ITCH: variants seen among roughly 807,000 people sequenced by gnomAD.
ITCH encodes itchy E3 ubiquitin protein ligase.
ITCH carries 28 observed loss-of-function variants against 126.8 expected under a neutral mutation model. The observed-to-expected ratio is 0.22, with a 90% confidence interval of 0.16 to 0.30. The LOEUF (loss-of-function observed/expected upper bound fraction) is 0.30. Ranked by LOEUF, ITCH falls within the 10% of genes least tolerant of loss-of-function variation. The pLI is 1.00. For missense variants in ITCH, 631 were observed against 1,032.4 expected (o/e 0.61, Z 5.33); for synonymous variants, 342 against 340.0 (o/e 1.01, Z -0.06).
At position 34,445,351 on chromosome 20, in the gene ITCH, A is replaced by G. The variant is rs1484279693; in HGVS notation, c.1030A>G (p.Thr344Ala). 2.5e-6 allele frequency: 4 copies of G among 1,613,964 alleles called. No individual in the cohort carries two copies. Among genetic ancestry groups the G allele is most frequent in the Admixed American group, 1.7e-5 (1 of 59,968 alleles). ...YYVDHFTRTTTWQRPTLESVR... is the reference protein window; with the variant it reads ...YYVDHFTRTTAWQRPTLESVR... ...TGTTGACCATTTCACAAGAACAACA[A>G]CGTGGCAGAGGCCAACACTGGAATC... Residue 344 changes from threonine to alanine, a missense_variant, in exon 11 of 25, where the codon ACG becomes GCG. Physicochemically the swap from Thr to Ala is moderately conservative, Grantham distance 58. Transcript: ENST00000374864.
At position 34,510,009 on chromosome 20, in the gene ITCH, A is replaced by G. The variant is rs976411528; in HGVS notation, c.*2215A>G. 2 of 152,620 alleles carry G rather than the reference A, an allele frequency of 1.3e-5. No homozygotes were observed. Among genetic ancestry groups the G allele is most frequent in the Non-Finnish European group, 2.9e-5 (2 of 68,030 alleles). 9.5% of individuals were successfully genotyped at this position (152,620 alleles called of 1,614,324 possible). ...TATCACCCAAAAGGCTTTCTGCCCT[A>G]TATTTTTAAAATACAGAATAGTTAT... On this transcript the variant is annotated 3_prime_UTR_variant, in exon 25 of 25. Coordinates refer to ENST00000374864, the MANE Select transcript of ITCH (RefSeq NM_031483.7).
At chr20:34,464,451 C>T (rs1395932745) in intron 14 of ITCH, among the ~76,000 whole-genome samples, 11 of 151,748 alleles carry the variant, frequency 7.2e-5, no homozygotes, top group East Asian at 3.9e-4. Context: ...TTCAGCCTCC[C>T]GAGTCGCTGG....
At chr20:34,388,214 T>A (rs1284191153) in intron 2 of ITCH, among the ~76,000 whole-genome samples, 1 of 151,950 alleles carries the variant, frequency 6.6e-6, no homozygotes, top group African/African-American at 2.4e-5. Flanking sequence ...CCTCCCAGTT[T>A]GGCCTCCCAT....
At chr20:34,413,626 G>A in intron 5 of ITCH, 116 bp from the exon 6 acceptor site, 1 of 906,826 alleles carries the variant, frequency 1.1e-6, no homozygotes, top group South Asian at 1.8e-5. Context: ...CAGTTTATAT[G>A]CACATATAGT....
intron 6 of ITCH, among the ~76,000 whole-genome samples, chr20:34,414,779 C>G (rs1379241594): frequency 2.0e-5 from 3 of 152,142 alleles, no homozygotes. Context: ...TGCATCCGGC[C>G]TCTAAATCCT....
chr20:34,488,441 G>A (rs1189377117), intron 20 of ITCH, among the ~76,000 whole-genome samples: 3 of 152,158 alleles, frequency 2.0e-5, no homozygotes, highest in Non-Finnish European at 4.4e-5. Flanking sequence ...TGGGCTGGGC[G>A]TGGTGGTTCG....
At chr20:34,402,359 C>T in intron 3 of ITCH, 2 of 858,838 alleles carry the variant, frequency 2.3e-6, no homozygotes, top group South Asian at 2.6e-5. Context: ...GTAGAGGGGT[C>T]ATCTTTGAGA....
chr20:34,486,899 C>T (rs1989162567), intron 20 of ITCH, among the ~76,000 whole-genome samples: 1 of 151,692 alleles, frequency 6.6e-6, no homozygotes, highest in African/African-American at 2.4e-5. Flanking sequence ...CCAGGCTGGT[C>T]TTGAACTCCT....
At chr20:34,401,492 CCACCTACTTT>C (rs2038882758) in intron 3 of ITCH, 1 of 191,650 alleles carries the variant, frequency 5.2e-6, no homozygotes, top group Non-Finnish European at 9.6e-6. Context: ...AAGACAGCTT[CCACCTACTTT>C]CACAAGTTTC....
chr20:34,424,506 A>G lies in ITCH; in HGVS notation c.502A>G (p.Arg168Gly). 1 of 1,613,550 alleles carries G rather than the reference A, an allele frequency of 6.2e-7. No homozygotes were observed. Among genetic ancestry groups the G allele is most frequent in the Non-Finnish European group, 8.5e-7 (1 of 1,179,476 alleles). The change falls in exon 7 of 25, where the codon AGA becomes GGA. Residue 168 changes from arginine (R) to glycine (G), a missense_variant. Physicochemically the swap from Arg to Gly is moderately radical, Grantham distance 125. Around this residue, in one of 4 missense-constraint regions of ITCH, gnomAD observed 220 missense variants for 265.7 expected, o/e 0.83. Transcript: ENST00000374864. Reference sequence around the variant, plus strand: ...TGCTTCTCAGAATGATGATGGCTCCAGATCCAAGGATGAAACAAGGTAAGC... The same window carrying G: ...TGCTTCTCAGAATGATGATGGCTCCGGATCCAAGGATGAAACAAGGTAAGC... ...ESASQNDDGSRSKDETRVSTN... is the reference protein window; with the variant it reads ...ESASQNDDGSGSKDETRVSTN...
chr20:34,507,575 C>T, intron 24 of ITCH, 120 bp from the exon 25 acceptor site: 1 of 764,934 alleles, frequency 1.3e-6, no homozygotes, highest in Non-Finnish European at 2.2e-6. Context: ...TTGATGGTAT[C>T]CTTTGAAGCA....
chr20:34,466,146 A>G (rs1325849831), intron 14 of ITCH, among the ~76,000 whole-genome samples: 4 of 151,252 alleles, frequency 2.6e-5, no homozygotes, highest in Non-Finnish European at 5.9e-5. Context: ...ATTTTGTAAA[A>G]TCCTTTTTTG....
chr20:34,423,555 A>G (rs1290664093), intron 6 of ITCH, among the ~76,000 whole-genome samples: 1 of 151,828 alleles, frequency 6.6e-6, no homozygotes, highest in East Asian at 1.9e-4. Context: ...CCTGTTTACC[A>G]TTTGTTTTGC....
At chr20:34,501,763 G>A (rs1010232938) in intron 23 of ITCH, among the ~76,000 whole-genome samples, 13 of 111,140 alleles carry the variant, frequency 1.2e-4, no homozygotes, top group East Asian at 5.2e-4. Context: ...CAACAAGAGC[G>A]AAACTCCATC....
At chr20:34,476,279 T>G in intron 16 of ITCH, 1 of 863,802 alleles carries the variant, frequency 1.2e-6, no homozygotes, top group South Asian at 1.3e-5. Context: ...ACTGTCACTT[T>G]ATCTTCTGAG....
chr20:34,498,155 C>T (rs544194317), intron 23 of ITCH, among the ~76,000 whole-genome samples: 3 of 152,166 alleles, frequency 2.0e-5, no homozygotes, highest in East Asian at 1.9e-4. Flanking sequence ...TTTATAGAAA[C>T]GCTGCTGATT....
chr20:34,419,929 T>C (rs934724146), intron 6 of ITCH, among the ~76,000 whole-genome samples: 1 of 152,214 alleles, frequency 6.6e-6, no homozygotes, highest in Non-Finnish European at 1.5e-5. Context: ...CTTTTTTTTT[T>C]TAAACCATGT....
chr20:34,368,967 C>T (rs2037519806), intron 1 of ITCH, among the ~76,000 whole-genome samples: 1 of 152,146 alleles, frequency 6.6e-6, no homozygotes, highest in Non-Finnish European at 1.5e-5. Flanking sequence ...AATTGTCTAT[C>T]CCATGAAATT....
chr20:34,457,166 A>C (rs1173068656), intron 12 of ITCH, among the ~76,000 whole-genome samples: 1 of 152,194 alleles, frequency 6.6e-6, no homozygotes, highest in Non-Finnish European at 1.5e-5. Flanking sequence ...AGGACATTAT[A>C]AAGTACGTCT....
Sources: allele counts gnomAD v4.1 joint callset (sites outside exome capture counted in the v4.1 genomes callset), GRCh38; gene constraint gnomAD v4.1.1; regional missense constraint gnomAD v4.1.1; transcripts MANE v1.5; gene names NCBI Gene and HGNC (gene_info 2026-07-23, HGNC 2026-07-21).